Variants in SUPT3H observed in about 807,000 individuals in gnomAD.
SUPT3H encodes SPT3 homolog, SAGA and STAGA complex component.
SUPT3H carries 44 observed loss-of-function variants against 44.3 expected under a neutral mutation model. The ratio of observed to expected loss-of-function variants is 0.99; its 90% CI spans 0.78 to 1.28. SUPT3H has a LOEUF of 1.28. SUPT3H is among the 50% of genes most tolerant of loss of function. The pLI, the probability that SUPT3H is intolerant of heterozygous loss-of-function variation, is 0.00. For synonymous variants in SUPT3H, 124 were observed against 125.6 expected, an observed-to-expected ratio of 0.99 and a Z score of 0.09; for missense variants, 380 against 387.1, an observed-to-expected ratio of 0.98 and a Z score of 0.15.
chr6:45,080,150 AC>A (rs1329943452), intron 3 of SUPT3H, among the ~76,000 whole-genome samples: 1 of 152,206 alleles, frequency 6.6e-6, no homozygotes, highest in African/African-American at 2.4e-5. Context: ...ATCTGAAGAG[AC>A]ATTTCTCAAA....
chr6:45,231,279 T>C (rs560130647), intron 2 of SUPT3H, among the ~76,000 whole-genome samples: 1 of 152,176 alleles, frequency 6.6e-6, no homozygotes, highest in Non-Finnish European at 1.5e-5. Context: ...GTAAGATAGG[T>C]GTAGTAGTGA....
intron 2 of SUPT3H, among the ~76,000 whole-genome samples, chr6:45,156,420 A>G (rs1193122853): frequency 1.3e-5 from 2 of 152,164 alleles, no homozygotes; most frequent in Non-Finnish European, 2.9e-5. Context: ...GATACAATGC[A>G]AACACTTCTT....
intron 7 of SUPT3H, among the ~76,000 whole-genome samples, chr6:44,959,245 AG>A (rs1198192709): frequency 1.3e-5 from 2 of 152,208 alleles, no homozygotes; most frequent in African/African-American, 4.8e-5. Context: ...AAAAAAAGAT[AG>A]CAACTGAAAT....
At position 45,057,226 on chromosome 6, in the gene SUPT3H, T is replaced by C. The variant is rs141278291; in HGVS notation, c.187-36594A>G. ...TTCCTTTTTAAAATCCTTCTTATTA[T>C]GGACTCAATCTTTTATCAATTCTTC... On this transcript the variant is annotated intron_variant, in intron 3 of 10. Coordinates refer to ENST00000371459, the MANE Select transcript of SUPT3H (RefSeq NM_003599.4). Among the ~76,000 whole-genome samples the C allele has an allele frequency of 2.6e-5, 4 of 152,274 alleles. No individual in the cohort carries two copies. In the East Asian group the frequency reaches 7.7e-4, roughly 29 times the overall value.
At chr6:45,037,127 T>C (rs1217692768) in intron 3 of SUPT3H, among the ~76,000 whole-genome samples, 1 of 151,970 alleles carries the variant, frequency 6.6e-6, no homozygotes, top group African/African-American at 2.4e-5. Flanking sequence ...AACAAAATTA[T>C]AAGAAAATGC....
rs1304631147 is a variant in SUPT3H, at chr6:45,285,942, C to T, written c.101+79259G>A. Among the ~76,000 whole-genome samples the T allele has an allele frequency of 2.7e-5, 4 of 149,308 alleles. No individual in the cohort carries two copies. The East Asian group carries it at 6.0e-4, about 22-fold the overall frequency. On this transcript the variant is annotated intron_variant, in intron 2 of 10. Coordinates refer to ENST00000371459, the MANE Select transcript of SUPT3H (RefSeq NM_003599.4). The stretch of plus-strand genomic sequence containing the variant: ...AACAGAGCCCTCAGAAATAATGCCA[C>T]GTATCTACAACTATCTGATCTTTGA...
At chr6:45,237,664 G>A (rs1242728497) in intron 2 of SUPT3H, among the ~76,000 whole-genome samples, 1 of 152,116 alleles carries the variant, frequency 6.6e-6, no homozygotes, top group Non-Finnish European at 1.5e-5. Context: ...CCTTTAAAAT[G>A]GTTAACAGAT....
chr6:45,368,063 C>A (rs982579741), intron 1 of SUPT3H, among the ~76,000 whole-genome samples: 1 of 151,238 alleles, frequency 6.6e-6, no homozygotes, highest in Non-Finnish European at 1.5e-5. Flanking sequence ...AAAGCAGAAG[C>A]ACTCAAGTCA....
chr6:45,292,126 C>G (rs1292645958), intron 2 of SUPT3H, among the ~76,000 whole-genome samples: 1 of 152,108 alleles, frequency 6.6e-6, no homozygotes, highest in African/African-American at 2.4e-5. Flanking sequence ...GGGATTGGGG[C>G]CCTATCTTCA....
chr6:45,370,597 A>G (rs62400334), intron 1 of SUPT3H, among the ~76,000 whole-genome samples: 4 of 152,208 alleles, frequency 2.6e-5, no homozygotes, highest in Admixed American at 6.5e-5. Flanking sequence ...AACTAATCTC[A>G]TAAGTTCAGT....
intron 3 of SUPT3H, among the ~76,000 whole-genome samples, chr6:45,038,973 G>A (rs1294338946): frequency 6.6e-6 from 1 of 151,878 alleles, no homozygotes; most frequent in Admixed American, 6.6e-5. Context: ...ATATTTCCAG[G>A]GAAAAATTAT....
chr6:44,901,939 G>A (rs1254556616), intron 10 of SUPT3H, among the ~76,000 whole-genome samples: 1 of 152,090 alleles, frequency 6.6e-6, no homozygotes, highest in African/African-American at 2.4e-5. Flanking sequence ...CAGAAGTGAA[G>A]GAGAAATAAA....
intron 3 of SUPT3H, among the ~76,000 whole-genome samples, chr6:45,086,976 A>T (rs568221816): frequency 4.2e-4 from 64 of 152,110 alleles, no homozygotes; most frequent in African/African-American, 1.3e-3. Flanking sequence ...ACATTTACTT[A>T]TAATTACATA....
intron 2 of SUPT3H, among the ~76,000 whole-genome samples, chr6:45,180,824 T>C (rs936031069): frequency 3.3e-5 from 5 of 151,838 alleles, no homozygotes; most frequent in African/African-American, 1.2e-4. Context: ...ACTTCATGTC[T>C]AAAACACCAA....
chr6:44,829,499 C>A lies in SUPT3H; in HGVS notation c.*317G>T, dbSNP rs1368244446. ...ACAAAACGCTGGACGGGGGCAACCA[C>A]TGCTTTTAAGGTATGTGAGCTGAGG... is the stretch of plus-strand genomic sequence containing the variant. On this transcript the variant is annotated 3_prime_UTR_variant, in exon 11 of 11. Transcript: ENST00000371459. The A allele has an allele frequency of 4.6e-6, 1 of 215,876 alleles. No homozygotes were observed. The highest frequency in any genetic ancestry group is 9.1e-6 in the Non-Finnish European group (1 of 109,832). The allele number at this position is 215,876 out of a possible 1,614,324, so 13.4% of individuals were successfully genotyped here.
intron 1 of SUPT3H, among the ~76,000 whole-genome samples, chr6:45,376,166 G>C (rs1393365443): frequency 6.6e-6 from 1 of 152,128 alleles, no homozygotes; most frequent in African/African-American, 2.4e-5. Flanking sequence ...TACAACCTAG[G>C]AGACAACGTT....
chr6:44,853,116 C>T (rs777451007), intron 10 of SUPT3H, among the ~76,000 whole-genome samples: 4 of 152,158 alleles, frequency 2.6e-5, no homozygotes, highest in Non-Finnish European at 5.9e-5. Context: ...TGTGTTTACT[C>T]TGTGCTTGGG....
intron 2 of SUPT3H, among the ~76,000 whole-genome samples, chr6:45,325,289 A>G (rs1786175776): frequency 6.6e-6 from 1 of 151,898 alleles, no homozygotes; most frequent in African/African-American, 2.4e-5. Flanking sequence ...CATAGAAATG[A>G]GCACAATATT....
intron 10 of SUPT3H, among the ~76,000 whole-genome samples, chr6:44,917,701 A>C (rs1418266035): frequency 1.5e-4 from 23 of 152,368 alleles, no homozygotes. Flanking sequence ...ACCACAGCCA[A>C]GCAGCCTAGA....
Sources: allele counts gnomAD v4.1 joint callset (sites outside exome capture counted in the v4.1 genomes callset), GRCh38; gene constraint gnomAD v4.1.1; transcripts MANE v1.5; gene names NCBI Gene and HGNC (gene_info 2026-07-23, HGNC 2026-07-21).